MICALL2: variants seen among roughly 807,000 people sequenced by gnomAD.
MICALL2 encodes MICAL like 2, also known as MICAL-like protein 2.
A neutral mutation model predicts 91.1 loss-of-function variants in MICALL2; 111 were observed. That is an observed-to-expected ratio of 1.22 (90% CI 1.04 to 1.43). MICALL2 has a LOEUF of 1.43. MICALL2 is among the 40% of genes most tolerant of loss of function. The pLI is 0.00. For missense variants in MICALL2, 1,556 were observed against 1,236.0 expected (o/e 1.26, Z -3.88); for synonymous variants, 694 against 525.3 (o/e 1.32, Z -4.39).
At chr7:1,454,641 G>T (rs922428097) in intron 1 of MICALL2, among the ~76,000 whole-genome samples, 2 of 152,218 alleles carry the variant, frequency 1.3e-5, no homozygotes, top group African/African-American at 4.8e-5. Flanking sequence ...TCTGGCTACA[G>T]GCCCTGGGGC....
At chr7:1,446,572 G>A (rs1239633471) in intron 5 of MICALL2, 141 bp downstream of exon 5, 8 of 589,096 alleles carry the variant, frequency 1.4e-5, no homozygotes, top group Admixed American at 4.8e-5. Context: ...CGGGGAGGGG[G>A]AGGGGGGAGG....
In MICALL2 at chr7:1,436,863, G is replaced by A; in HGVS notation, c.2477-7C>T. On this transcript the variant is annotated splice_region_variant and splice_polypyrimidine_tract_variant and intron_variant, in intron 14 of 16. Coordinates refer to ENST00000297508, the MANE Select transcript of MICALL2 (RefSeq NM_182924.4). ...TGCAGTGACTTCAGAGCCTCTGTGG[G>A]GATGGCTCGTCAGCAGGAGCCCCCC... is the stretch of plus-strand genomic sequence containing the variant. 1 of 1,567,328 alleles carries A rather than the reference G, an allele frequency of 6.4e-7. No individual in the cohort carries two copies. Among genetic ancestry groups the A allele is most frequent in the Non-Finnish European group, 8.6e-7 (1 of 1,157,738 alleles).
chr7:1,455,522 G>GCAGTGGCTCGCGCCCATAACCCCAGAACT (rs1469214856), intron 1 of MICALL2, among the ~76,000 whole-genome samples: 3 of 152,056 alleles, frequency 2.0e-5, no homozygotes, highest in Non-Finnish European at 2.9e-5. Context: ...TTTCCTGGCC[G>GCAGTGGCTCGCGCCCATAACCCCAGAACT]TAAAGCGGAG....
intron 10 of MICALL2, 197 bp from the exon 11 acceptor site, chr7:1,438,550 T>A: frequency 7.0e-7 from 1 of 1,428,520 alleles, no homozygotes; most frequent in Non-Finnish European, 9.1e-7. Flanking sequence ...AGCCCCACCC[T>A]GCACCCTGCC....
chr7:1,441,896 C>T (rs986514423), intron 7 of MICALL2: 1 of 440,052 alleles, frequency 2.3e-6, no homozygotes, highest in Non-Finnish European at 4.1e-6. Flanking sequence ...ATGTAACTGC[C>T]AGACCGAGCT....
chr7:1,442,385 C>A lies in MICALL2; in HGVS notation c.1518G>T (p.Arg506=), dbSNP rs146147189. Residue 506 remains arginine (R), a synonymous_variant, in exon 7 of 17, where the codon CGG becomes CGT. Transcript: ENST00000297508. Reference sequence around the variant, plus strand: ...CCATCCTCGAAGGGAGGCCAAGCACCCGGGGAGACGAGGACTGTAACGGCT... The same window carrying A: ...CCATCCTCGAAGGGAGGCCAAGCACACGGGGAGACGAGGACTGTAACGGCT... ...LAKPLQSSSP[R]VLGLPSRMEP... 1.2e-6 allele frequency: 2 copies of A among 1,609,232 alleles called. No homozygotes were observed. The highest frequency in any genetic ancestry group is 1.7e-6 in the Non-Finnish European group (2 of 1,177,310).
chr7:1,446,694 G>T lies in MICALL2; in HGVS notation c.641+19C>A. 2 of 1,553,904 alleles carry T rather than the reference G, an allele frequency of 1.3e-6. No homozygotes were observed. Among genetic ancestry groups the T allele is most frequent in the East Asian group, 2.3e-5 (1 of 42,580 alleles). On this transcript the variant is annotated intron_variant, in intron 5 of 16. Coordinates refer to ENST00000297508, the MANE Select transcript of MICALL2 (RefSeq NM_182924.4). The stretch of plus-strand genomic sequence containing the variant: ...AGGGGAGGTGCACACTCAGGCGTGC[G>T]GGCAGAGGGCAGCCCCACCTGAAGC...
In MICALL2 at chr7:1,435,167, C is replaced by A. The variant is rs1482816112; in HGVS notation, c.2592-20G>T. ...TGTTCCCTGAAACGGGACCAGATGGCCATGAGCGACAATGGCAATGGCAAG... is the reference window on the plus strand; with the variant it reads ...TGTTCCCTGAAACGGGACCAGATGGACATGAGCGACAATGGCAATGGCAAG... On this transcript the variant is annotated intron_variant, in intron 15 of 16. Coordinates refer to ENST00000297508, the MANE Select transcript of MICALL2 (RefSeq NM_182924.4). 6.2e-7 allele frequency: 1 copy of A among 1,612,970 alleles called. No individual in the cohort carries two copies. The highest frequency in any genetic ancestry group is 1.3e-5 in the African/African-American group (1 of 74,906).
intron 3 of MICALL2, among the ~76,000 whole-genome samples, chr7:1,448,389 C>G (rs1446394280): frequency 6.6e-6 from 1 of 152,186 alleles, no homozygotes; most frequent in Non-Finnish European, 1.5e-5. Flanking sequence ...GCCCCGGTCC[C>G]TCTTGGTGAA....
In MICALL2 at chr7:1,436,410, G is replaced by A. The variant is rs140394265; in HGVS notation, c.2591+332C>T. On this transcript the variant is annotated intron_variant, in intron 15 of 16. Transcript: ENST00000297508. ...AAAAAACAAAAACAAAAAATTAGCCGGGTGTGGTAGTGTGCGCCTGTAATC... is the reference window on the plus strand; with the variant it reads ...AAAAAACAAAAACAAAAAATTAGCCAGGTGTGGTAGTGTGCGCCTGTAATC... 9.2e-3 allele frequency among the ~76,000 whole-genome samples: 1,078 copies of A among 116,768 alleles called. 7 individuals carry two copies. The highest frequency in any genetic ancestry group is 0.014 in the Non-Finnish European group (829 of 58,648). 76.6% of individuals were successfully genotyped at this position (116,768 alleles called of 152,430 possible). A position where few individuals can be genotyped will look rare whatever the true frequency, so the allele number is the denominator to read the frequency against.
intron 16 of MICALL2, 116 bp downstream of exon 16, chr7:1,434,985 G>GCGCCC: frequency 3.9e-6 from 1 of 255,664 alleles, no homozygotes; most frequent in East Asian, 1.1e-4. Flanking sequence ...CCCGATACCC[G>GCGCCC]CCCCCCCCCC....
In MICALL2 at chr7:1,436,736, C is replaced by G; in HGVS notation, c.2591+6G>C. ...CTGGGAGGGGCCCCCGGCACCTGCC[C>G]CTCACCGGAGCCGGTCCTCGTCCAG... is the stretch of plus-strand genomic sequence containing the variant. On this transcript the variant is annotated splice_donor_region_variant and intron_variant, in intron 15 of 16. Coordinates refer to ENST00000297508, the MANE Select transcript of MICALL2 (RefSeq NM_182924.4). 1 of 1,599,000 alleles carries G rather than the reference C, an allele frequency of 6.3e-7. No homozygotes were observed. The highest frequency in any genetic ancestry group is 8.5e-7 in the Non-Finnish European group (1 of 1,174,130).
chr7:1,438,666 G>T, intron 10 of MICALL2, 174 bp downstream of exon 10: 1 of 1,438,484 alleles, frequency 7.0e-7, no homozygotes, highest in Non-Finnish European at 9.1e-7. Context: ...GAAACAGCTA[G>T]GGTCTCTATT....
chr7:1,439,603 A>G (rs963097066), intron 9 of MICALL2: 52 of 271,482 alleles, frequency 1.9e-4, no homozygotes, highest in African/African-American at 1.6e-3. Context: ...ATACACATGC[A>G]TCACACATCA....
intron 15 of MICALL2, among the ~76,000 whole-genome samples, chr7:1,436,163 G>A (rs1779956376): frequency 1.3e-5 from 2 of 152,032 alleles, no homozygotes; most frequent in Admixed American, 6.5e-5. Flanking sequence ...GCCAAGGAGG[G>A]CAGATCACCT....
At position 1,434,484 on chromosome 7, in the gene MICALL2, C is replaced by A; in HGVS notation, c.*112G>T. On this transcript the variant is annotated 3_prime_UTR_variant, in exon 17 of 17. Transcript: ENST00000297508. The stretch of plus-strand genomic sequence containing the variant: ...TCCAAGTCCGAATGCCGGGTCCGGG[C>A]CGAGCCCACGGCCCCGAGTACAAGT... The A allele has an allele frequency of 1.0e-6, 1 of 963,342 alleles. No homozygotes were observed. The allele number at this position is 963,342 out of a possible 1,614,324, so 59.7% of individuals were successfully genotyped here.
At position 1,459,387 on chromosome 7, in the gene MICALL2, G is replaced by T; in HGVS notation, c.-61C>A. ...TCCGACACCTTCCCGCGGCTGTGCCGCGACCGCCCGGCCGGCGGGACAGAC... is the reference window on the plus strand; with the variant it reads ...TCCGACACCTTCCCGCGGCTGTGCCTCGACCGCCCGGCCGGCGGGACAGAC... On this transcript the variant is annotated 5_prime_UTR_variant, in exon 1 of 17. Transcript: ENST00000297508. 7.4e-7 allele frequency: 1 copy of T among 1,358,792 alleles called. No homozygotes were observed. Among genetic ancestry groups the T allele is most frequent in the Non-Finnish European group, 9.5e-7 (1 of 1,054,534 alleles). The allele number at this position is 1,358,792 out of a possible 1,614,324, so 84.2% of individuals were successfully genotyped here. A position where few individuals can be genotyped will look rare whatever the true frequency, so the allele number is the denominator to read the frequency against.
intron 9 of MICALL2, chr7:1,439,429 G>A (rs771934156): frequency 5.2e-5 from 11 of 210,146 alleles, no homozygotes; most frequent in Non-Finnish European, 9.5e-5. Context: ...GCATCACACA[G>A]ATGTACACAT....
intron 6 of MICALL2, among the ~76,000 whole-genome samples, chr7:1,442,921 GAC>G (rs1328763603): frequency 3.9e-5 from 6 of 152,080 alleles, no homozygotes; most frequent in Non-Finnish European, 7.4e-5. Flanking sequence ...AGTCCCATGT[GAC>G]ACAGTCTCTC....
Sources: allele counts gnomAD v4.1 joint callset (sites outside exome capture counted in the v4.1 genomes callset), GRCh38; gene constraint gnomAD v4.1.1; transcripts MANE v1.5; gene names NCBI Gene and HGNC (gene_info 2026-07-23, HGNC 2026-07-21).